HACD1: variants seen among roughly 807,000 people sequenced by gnomAD.
HACD1 encodes the protein 3-hydroxyacyl-CoA dehydratase 1.
A neutral mutation model predicts 32.0 loss-of-function variants in HACD1; 41 were observed. The observed-to-expected ratio is 1.28, with a 90% CI of 1.00 to 1.66. The LOEUF (loss-of-function observed/expected upper bound fraction) is 1.66, where lower values mean the gene tolerates loss of function less well. Ranked by LOEUF, HACD1 falls within the 40% of genes most tolerant of loss-of-function variation. The pLI is 0.00. For missense variants in HACD1, 396 were observed against 380.1 expected (o/e 1.04, Z -0.35); for synonymous variants, 142 against 139.0 (o/e 1.02, Z -0.15).
intron 1 of HACD1, among the ~76,000 whole-genome samples, chr10:17,610,422 G>C (rs1364585798): frequency 6.6e-6 from 1 of 152,172 alleles, no homozygotes; most frequent in African/African-American, 2.4e-5. Flanking sequence ...GCCAAGGTGG[G>C]TGGATTGCTT....
rs190476768 is a variant in HACD1 at position 17,594,644 on chromosome 10, T to G, written c.606-261A>C. Among the ~76,000 whole-genome samples the G allele has an allele frequency of 5.9e-5, 9 of 152,240 alleles. No homozygotes were observed. In the East Asian group the frequency reaches 1.7e-3, roughly 29 times the overall value. On this transcript the variant is annotated intron_variant, in intron 5 of 6. Coordinates refer to ENST00000361271, the MANE Select transcript of HACD1 (RefSeq NM_014241.4). ...AACTTATTTTAGAGTACCAAAATAC[T>G]TTTATGTATTAAAAAATGTATATGT... is the stretch of plus-strand genomic sequence containing the variant.
intron 1 of HACD1, among the ~76,000 whole-genome samples, chr10:17,607,429 C>T (rs1245655119): frequency 6.6e-6 from 1 of 152,180 alleles, no homozygotes; most frequent in East Asian, 1.9e-4. Flanking sequence ...ATTTCATTAT[C>T]TTCAATTCAA....
chr10:17,602,658 T>C (rs912696989), intron 4 of HACD1, among the ~76,000 whole-genome samples: 2 of 152,238 alleles, frequency 1.3e-5, no homozygotes, highest in Non-Finnish European at 2.9e-5. Context: ...CTTATGTACT[T>C]ATTTATTTGT....
At chr10:17,600,339 C>CTTAT (rs1834051951) in intron 4 of HACD1, among the ~76,000 whole-genome samples, 2 of 151,958 alleles carry the variant, frequency 1.3e-5, no homozygotes, top group Non-Finnish European at 2.9e-5. Context: ...ATTTATTTAG[C>CTTAT]TTATTTATTT....
At chr10:17,603,428 TAAAACTC>T in intron 4 of HACD1, 125 bp downstream of exon 4, 13 of 827,316 alleles carry the variant, frequency 1.6e-5, no homozygotes, top group Non-Finnish European at 2.4e-5. Context: ...GCACAACATC[TAAAACTC>T]AAACCCAACT....
chr10:17,610,519 C>G (rs1554817406), intron 1 of HACD1, among the ~76,000 whole-genome samples: 1 of 151,664 alleles, frequency 6.6e-6, no homozygotes, highest in African/African-American at 2.4e-5. Context: ...TGTGGTGGCA[C>G]GTGACTGTAG....
At chr10:17,599,556 C>A in intron 4 of HACD1, 145 bp from the exon 5 acceptor site, 1 of 1,278,030 alleles carries the variant, frequency 7.8e-7, no homozygotes, top group Non-Finnish European at 1.0e-6. Context: ...AATGCAGTCA[C>A]CATTAACATA....
At chr10:17,616,998 A>C in intron 1 of HACD1, 85 bp downstream of exon 1, 1 of 1,279,402 alleles carries the variant, frequency 7.8e-7, no homozygotes, top group Non-Finnish European at 9.9e-7. Context: ...CGCGCCCCTT[A>C]CACCCCGGCC....
At chr10:17,599,466 G>T in intron 4 of HACD1, 55 bp from the exon 5 acceptor site, 1 of 1,568,002 alleles carries the variant, frequency 6.4e-7, no homozygotes, top group Non-Finnish European at 8.6e-7. Flanking sequence ...ACTTTTCAGT[G>T]AAGGTACTTA....
intron 1 of HACD1, among the ~76,000 whole-genome samples, chr10:17,612,148 A>G (rs1554817571): frequency 4.0e-5 from 6 of 151,216 alleles, no homozygotes. Context: ...AAATCCTTAC[A>G]TCCTTTAAAG....
At position 17,590,414 on chromosome 10, in the gene HACD1, G is replaced by T; in HGVS notation, c.817C>A (p.Gln273Lys). 1 of 1,600,430 alleles carries T rather than the reference G, an allele frequency of 6.2e-7. No homozygotes were observed. Among genetic ancestry groups the T allele is most frequent in the South Asian group, 1.1e-5 (1 of 89,524 alleles). ...TCTCCATGAAGCACCTTTCTTCTTT[G>T]ACGTAACATATGAAAATAGAGTTGT... ...FPQLYFHMLR[Q>K]RRKVLHGEVI... Residue 273 changes from glutamine to lysine, a missense_variant, in exon 7 of 7, where the codon CAA becomes AAA. Gln to Lys is a moderately conservative substitution (Grantham distance 53). Coordinates refer to ENST00000361271, the MANE Select transcript of HACD1 (RefSeq NM_014241.4).
intron 1 of HACD1, among the ~76,000 whole-genome samples, chr10:17,610,958 C>A (rs1273611037): frequency 6.6e-6 from 1 of 151,604 alleles, no homozygotes; most frequent in East Asian, 1.9e-4. Flanking sequence ...CCCAAGCTAC[C>A]TGTCCGCCTT....
At chr10:17,615,560 A>C (rs1833063943) in intron 1 of HACD1, 1 of 155,074 alleles carries the variant, frequency 6.4e-6, no homozygotes, top group Non-Finnish European at 1.4e-5. Flanking sequence ...TTAAGCCGGA[A>C]GTGGTAATCC....
At position 17,590,358 on chromosome 10, in the gene HACD1, G is replaced by C. The variant is rs1554815462; in HGVS notation, c.*6C>G. On this transcript the variant is annotated 3_prime_UTR_variant, in exon 7 of 7. Transcript: ENST00000361271. ...CTGGAAAAAGCACCTTGTTTGCAGA[G>C]ATCATTTAATCATCCTTTTCTACAA... The C allele has an allele frequency of 5.7e-6, 9 of 1,573,818 alleles. No homozygotes were observed. The highest frequency in any genetic ancestry group is 1.8e-5 in the Admixed American group (1 of 56,174).
chr10:17,617,325 C>G lies in HACD1; in HGVS notation c.15G>C (p.Thr5=). Residue 5 remains threonine (T), a synonymous_variant, in exon 1 of 7, where the codon ACG becomes ACC. Transcript: ENST00000361271. The part of the protein sequence containing the change: MGRL[T]EAAAAGSGSR... ...AGCCGCTGCCCGCTGCCGCCGCTTC[C>G]GTCAGGCGCCCCATGTGCAGCGCGC... is the stretch of plus-strand genomic sequence containing the variant. The G allele has an allele frequency of 3.5e-6, 5 of 1,433,998 alleles. No homozygotes were observed. The highest frequency in any genetic ancestry group is 2.8e-5 in the South Asian group (2 of 70,624). The allele number at this position is 1,433,998 out of a possible 1,614,324, so 88.8% of individuals were successfully genotyped here.
rs530645675 is a variant in HACD1 at position 17,595,008 on chromosome 10, G to A, written c.606-625C>T. ...TGGGTAGCTGGGACTACAGGCGCCC[G>A]CCACCACGCCCGGTTAATTTTTGTA... On this transcript the variant is annotated intron_variant, in intron 5 of 6. Coordinates refer to ENST00000361271, the MANE Select transcript of HACD1 (RefSeq NM_014241.4). Among the ~76,000 whole-genome samples, 359 of 152,060 alleles carry A rather than the reference G, an allele frequency of 2.4e-3. 2 individuals carry two copies. The highest frequency in any genetic ancestry group is 0.011 in the South Asian group (53 of 4,810).
intron 1 of HACD1, among the ~76,000 whole-genome samples, chr10:17,612,256 T>C (rs1431313622): frequency 6.6e-6 from 1 of 152,246 alleles, no homozygotes. Context: ...TAATCCATTA[T>C]TGTATAATTA....
At chr10:17,616,475 G>T (rs928671883) in intron 1 of HACD1, among the ~76,000 whole-genome samples, 18 of 152,068 alleles carry the variant, frequency 1.2e-4, no homozygotes, top group African/African-American at 3.9e-4. Flanking sequence ...GACAGTCATT[G>T]TGTAACCTTA....
At chr10:17,597,118 T>C (rs921383350) in intron 5 of HACD1, among the ~76,000 whole-genome samples, 16 of 152,342 alleles carry the variant, frequency 1.1e-4, no homozygotes, top group Admixed American at 1.0e-3. Context: ...GCTGAAAGAC[T>C]GTATAACTTG....
Sources: allele counts gnomAD v4.1 joint callset (sites outside exome capture counted in the v4.1 genomes callset), GRCh38; gene constraint gnomAD v4.1.1; transcripts MANE v1.5; gene names NCBI Gene and HGNC (gene_info 2026-07-23, HGNC 2026-07-21).